The following AGMO variants were observed in gnomAD, a reference collection of about 807,000 sequenced individuals.
AGMO encodes the protein glyceryl-ether monooxygenase.
AGMO carries 75 observed loss-of-function variants against 60.2 expected under a neutral mutation model. The observed-to-expected ratio is 1.25, with a 90% CI of 1.03 to 1.51. AGMO has a LOEUF of 1.51. Ranked by LOEUF, AGMO falls within the 40% of genes most tolerant of loss-of-function variation. AGMO has a pLI of 0.00. For missense variants in AGMO, 763 were observed against 525.5 expected (o/e 1.45, Z -4.42); for synonymous variants, 261 against 177.1 (o/e 1.47, Z -3.76).
intron 12 of AGMO, among the ~76,000 whole-genome samples, chr7:15,347,645 C>A (rs981669242): frequency 6.6e-6 from 1 of 151,932 alleles, no homozygotes; most frequent in East Asian, 1.9e-4. Context: ...GTGGCCAGAT[C>A]TTTGAATTTT....
chr7:15,407,863 A>G (rs1219822737), intron 5 of AGMO, among the ~76,000 whole-genome samples: 1 of 151,864 alleles, frequency 6.6e-6, no homozygotes, highest in Non-Finnish European at 1.5e-5. Flanking sequence ...AAACTTCACT[A>G]TTATTATTAA....
intron 12 of AGMO, among the ~76,000 whole-genome samples, chr7:15,212,766 T>C (rs1781631092): frequency 6.6e-6 from 1 of 151,940 alleles, no homozygotes; most frequent in Non-Finnish European, 1.5e-5. Context: ...AAGTCAATTT[T>C]ACAGTTCCAC....
chr7:15,412,898 A>C (rs974921725), intron 5 of AGMO, among the ~76,000 whole-genome samples: 1 of 152,108 alleles, frequency 6.6e-6, no homozygotes, highest in East Asian at 1.9e-4. Flanking sequence ...ACAAAACAGA[A>C]TCTAGAGTCT....
intron 12 of AGMO, among the ~76,000 whole-genome samples, chr7:15,232,108 TGAA>T (rs1189030135): frequency 6.6e-6 from 1 of 152,228 alleles, no homozygotes; most frequent in Non-Finnish European, 1.5e-5. Flanking sequence ...TCCCACCTGC[TGAA>T]GATTTTCTTC....
At position 15,433,221 on chromosome 7, in the gene AGMO, C is replaced by A. The variant is rs995901007; in HGVS notation, c.410-2113G>T. Among the ~76,000 whole-genome samples the A allele has an allele frequency of 3.3e-5, 5 of 152,120 alleles. No homozygotes were observed. The East Asian group carries it at 9.7e-4, about 29-fold the overall frequency. On this transcript the variant is annotated intron_variant, in intron 3 of 12. Transcript: ENST00000342526. ...AGAGAGTCATAATATATATTGGGAG[C>A]CACTTCCTTATACCCTCTACAGAAG...
chr7:15,307,101 CA>C (rs1780637303), intron 12 of AGMO, among the ~76,000 whole-genome samples: 1 of 151,828 alleles, frequency 6.6e-6, no homozygotes, highest in Admixed American at 6.6e-5. Flanking sequence ...ACTAATAGGA[CA>C]AATCTACTAG....
intron 12 of AGMO, among the ~76,000 whole-genome samples, chr7:15,350,701 G>A (rs1249815892): frequency 6.6e-6 from 1 of 152,138 alleles, no homozygotes; most frequent in Non-Finnish European, 1.5e-5. Flanking sequence ...TTACCTCAGA[G>A]AAAAGGAATG....
chr7:15,330,015 A>G (rs183689116), intron 12 of AGMO, among the ~76,000 whole-genome samples: 16 of 152,204 alleles, frequency 1.1e-4, no homozygotes, highest in African/African-American at 3.9e-4. Flanking sequence ...ACTAATTTAT[A>G]GAAGTTTAGG....
chr7:15,466,842 G>A (rs979362390), intron 3 of AGMO, among the ~76,000 whole-genome samples: 1 of 152,104 alleles, frequency 6.6e-6, no homozygotes, highest in Non-Finnish European at 1.5e-5. Flanking sequence ...TATGAGTCCG[G>A]ATTCCATACT....
chr7:15,382,253 G>T (rs182740673), intron 10 of AGMO, among the ~76,000 whole-genome samples: 1 of 152,172 alleles, frequency 6.6e-6, no homozygotes, highest in Non-Finnish European at 1.5e-5. Context: ...TATTTAGCAG[G>T]ATACATTGCA....
At chr7:15,467,885 A>G (rs1782336272) in intron 3 of AGMO, among the ~76,000 whole-genome samples, 1 of 152,036 alleles carries the variant, frequency 6.6e-6, no homozygotes, top group African/African-American at 2.4e-5. Context: ...TTCCTTCAAT[A>G]TAGTACGGCT....
intron 12 of AGMO, among the ~76,000 whole-genome samples, chr7:15,311,778 T>C (rs1229243948): frequency 6.6e-6 from 1 of 152,202 alleles, no homozygotes; most frequent in African/African-American, 2.4e-5. Context: ...TAGAAATTGA[T>C]CTGTTGAAAT....
chr7:15,234,003 C>T (rs906468660), intron 12 of AGMO, among the ~76,000 whole-genome samples: 6 of 152,096 alleles, frequency 3.9e-5, no homozygotes, highest in South Asian at 2.1e-4. Flanking sequence ...GCCGAGATGG[C>T]GCCACACTGC....
chr7:15,185,625 C>T, the AGMO span, among the ~76,000 whole-genome samples: 20 of 152,006 alleles, frequency 1.3e-4, no homozygotes, highest in Non-Finnish European at 2.4e-4. Context: ...GGCCAGGTGT[C>T]AACCAGAAGG....
chr7:15,354,468 GTA>G lies in AGMO; in HGVS notation c.1263+11044_1263+11045del, dbSNP rs1300300303. ...CACGTGTGTGTATACACACGTGTGT[GTA>G]TACACACGTGTGTATATACACACGT... On this transcript the variant is annotated intron_variant, in intron 12 of 12. Coordinates refer to ENST00000342526, the MANE Select transcript of AGMO (RefSeq NM_001004320.2). Among the ~76,000 whole-genome samples the G allele has an allele frequency of 4.9e-3, 63 of 12,860 alleles. 1 individual carries two copies. Among genetic ancestry groups the G allele is most frequent in the Non-Finnish European group, 6.7e-3 (50 of 7,470 alleles). The allele number at this position is 12,860 out of a possible 152,430, so 8.4% of individuals were successfully genotyped here.
chr7:15,380,616 T>G (rs1453927857), intron 10 of AGMO, among the ~76,000 whole-genome samples: 2 of 151,812 alleles, frequency 1.3e-5, no homozygotes, highest in African/African-American at 4.8e-5. Context: ...AATGCTATGC[T>G]TATTAAACAT....
chr7:15,174,968 C>G, the AGMO span, among the ~76,000 whole-genome samples: 1 of 151,042 alleles, frequency 6.6e-6, no homozygotes, highest in Admixed American at 6.6e-5. Flanking sequence ...ATCATGAATC[C>G]TATCTAGAAT....
At chr7:15,358,276 CT>C in intron 12 of AGMO, 1 of 351,870 alleles carries the variant, frequency 2.8e-6, no homozygotes, top group Non-Finnish European at 5.9e-6. Flanking sequence ...CTTAAGGTTG[CT>C]GCTTTGAGTA....
chr7:15,306,607 T>C (rs1780622703), intron 12 of AGMO: 2 of 430,176 alleles, frequency 4.6e-6, no homozygotes, highest in African/African-American at 2.1e-5. Flanking sequence ...TGGCAATTTG[T>C]GTTACCTTGC....
Sources: gnomAD v4.1 joint callset for allele counts (sites outside exome capture counted in the v4.1 genomes callset) on GRCh38, gnomAD v4.1.1 for gene constraint, MANE v1.5 for transcripts, NCBI Gene and HGNC (gene_info 2026-07-23, HGNC 2026-07-21) for gene names.